Variants in MAN2A1 observed in about 807,000 individuals in gnomAD.
The protein encoded by MAN2A1 is alpha-mannosidase 2.
In MAN2A1, 76 loss-of-function variants were observed where a neutral mutation model predicts 142.6. That is an observed-to-expected ratio of 0.53 (90% confidence interval 0.44 to 0.65). The LOEUF is 0.65. Ranked by LOEUF, MAN2A1 falls within the 30% of genes least tolerant of loss-of-function variation. The pLI is 0.00. For synonymous variants in MAN2A1, 559 were observed against 473.2 expected, an observed-to-expected ratio of 1.18 and a Z score of -2.35; for missense variants, 1,311 against 1,365.1, an observed-to-expected ratio of 0.96 and a Z score of 0.62.
chr5:109,760,318 C>T (rs1752808375), intron 5 of MAN2A1, among the ~76,000 whole-genome samples: 2 of 152,138 alleles, frequency 1.3e-5, no homozygotes. Flanking sequence ...ATGAACTCAT[C>T]CTTTTTATGG....
chr5:109,805,433 A>T (rs1307495246), intron 12 of MAN2A1, among the ~76,000 whole-genome samples: 1 of 152,180 alleles, frequency 6.6e-6, no homozygotes, highest in Non-Finnish European at 1.5e-5. Flanking sequence ...TGAAATTTGT[A>T]GTTCTACTTT....
chr5:109,827,053 G>GTGA (rs1754777920), intron 16 of MAN2A1, among the ~76,000 whole-genome samples: 1 of 152,084 alleles, frequency 6.6e-6, no homozygotes, highest in African/African-American at 2.4e-5. Context: ...TGCTACTTTT[G>GTGA]TCCCCCTTAA....
At position 109,804,351 on chromosome 5, in the gene MAN2A1, A is replaced by T. The variant is rs539522794; in HGVS notation, c.1944-12922A>T. On this transcript the variant is annotated intron_variant, in intron 12 of 21. Coordinates refer to ENST00000261483, the MANE Select transcript of MAN2A1 (RefSeq NM_002372.4). ...TTATTCAGAGAGTAGCGCTTTTTTT[A>T]AAATTTTTATTTTTTTTAGGCAAGA... The T allele has an allele frequency of 7.0e-5, 63 of 903,598 alleles. No individual in the cohort carries two copies. The South Asian group carries it at 1.9e-3, about 28-fold the overall frequency. 56.0% of individuals were successfully genotyped at this position (903,598 alleles called of 1,614,324 possible).
intron 16 of MAN2A1, among the ~76,000 whole-genome samples, chr5:109,837,672 C>T (rs1755092835): frequency 6.6e-6 from 1 of 152,122 alleles, no homozygotes; most frequent in Admixed American, 6.6e-5. Context: ...ACATAGCTGC[C>T]ACCCTTCACT....
chr5:109,761,524 A>T (rs976442258), intron 5 of MAN2A1, among the ~76,000 whole-genome samples: 4 of 152,106 alleles, frequency 2.6e-5, no homozygotes, highest in African/African-American at 9.6e-5. Context: ...TCAGTTAAAA[A>T]GTCATTGACT....
chr5:109,739,179 T>A (rs1425825981), intron 4 of MAN2A1, among the ~76,000 whole-genome samples: 1 of 152,114 alleles, frequency 6.6e-6, no homozygotes, highest in Non-Finnish European at 1.5e-5. Flanking sequence ...TTTTTTTTTC[T>A]CTTCTCTCTT....
At chr5:109,748,720 C>T (rs1303236158) in intron 4 of MAN2A1, among the ~76,000 whole-genome samples, 1 of 151,870 alleles carries the variant, frequency 6.6e-6, no homozygotes, top group African/African-American at 2.4e-5. Context: ...GGCAGATAGA[C>T]AGCATGGACA....
In MAN2A1 at chr5:109,770,509, A is replaced by G; in HGVS notation, c.1164A>G (p.Pro388=). 1 of 1,613,944 alleles carries G rather than the reference A, an allele frequency of 6.2e-7. No homozygotes were observed. The change falls in exon 7 of 22, where the codon CCA becomes CCG. Residue 388 remains proline, a synonymous_variant. Transcript: ENST00000261483. The part of the protein sequence containing the change: ...GRFGCPWGVP[P]ETIHPGNVQS... ...TTGGTTGTCCCTGGGGAGTCCCCCC[A>G]GAAACAATACATCCTGGAAATGTCC...
intron 4 of MAN2A1, among the ~76,000 whole-genome samples, chr5:109,735,591 A>G (rs969456802): frequency 6.6e-6 from 1 of 152,160 alleles, no homozygotes; most frequent in Non-Finnish European, 1.5e-5. Flanking sequence ...CCGGTACCTC[A>G]GATGGAAATG....
At chr5:109,759,967 A>T (rs1309759528) in intron 5 of MAN2A1, among the ~76,000 whole-genome samples, 1 of 27,624 alleles carries the variant, frequency 3.6e-5, no homozygotes, top group African/African-American at 3.8e-4. Context: ...ATATATATAG[A>T]TAGATAGATA....
At chr5:109,834,065 A>G (rs753516874) in intron 16 of MAN2A1, among the ~76,000 whole-genome samples, 2 of 152,158 alleles carry the variant, frequency 1.3e-5, no homozygotes, top group Non-Finnish European at 2.9e-5. Context: ...GAAAAGAAAC[A>G]TCTGTCATGG....
In MAN2A1 at chr5:109,868,343, T is replaced by A. The variant is rs1755932893; in HGVS notation, c.*1345T>A. 2 of 152,342 alleles carry A rather than the reference T, an allele frequency of 1.3e-5. No homozygotes were observed. The highest frequency in any genetic ancestry group is 1.3e-4 in the Admixed American group (2 of 15,308). The allele number at this position is 152,342 out of a possible 1,614,324, so 9.4% of individuals were successfully genotyped here. A position where few individuals can be genotyped will look rare whatever the true frequency, so the allele number is the denominator to read the frequency against. On this transcript the variant is annotated 3_prime_UTR_variant, in exon 22 of 22. Coordinates refer to ENST00000261483, the MANE Select transcript of MAN2A1 (RefSeq NM_002372.4). ...AGCCCGTGTGCCATTACAGTGCTTT[T>A]AATAAAATTTATTTGGGATTATTGT... is the stretch of plus-strand genomic sequence containing the variant.
chr5:109,789,780 A>T (rs936604739), intron 12 of MAN2A1, among the ~76,000 whole-genome samples: 1 of 151,876 alleles, frequency 6.6e-6, no homozygotes, highest in African/African-American at 2.4e-5. Flanking sequence ...CATGATAAAT[A>T]TATAGCTTAT....
At chr5:109,737,948 G>T (rs2112600012) in intron 4 of MAN2A1, among the ~76,000 whole-genome samples, 1 of 152,158 alleles carries the variant, frequency 6.6e-6, no homozygotes, top group East Asian at 1.9e-4. Context: ...GATGACTGTG[G>T]CTCATAACCC....
chr5:109,759,925 A>G (rs1582868556), intron 5 of MAN2A1, among the ~76,000 whole-genome samples: 1 of 144,630 alleles, frequency 6.9e-6, no homozygotes. Context: ...TCTTTTACCC[A>G]TTCTTTTTAT....
At chr5:109,819,197 G>C (rs1403250358) in intron 13 of MAN2A1, among the ~76,000 whole-genome samples, 1 of 152,056 alleles carries the variant, frequency 6.6e-6, no homozygotes, top group Non-Finnish European at 1.5e-5. Flanking sequence ...CCCAACTGTG[G>C]GCTAATTTAA....
At chr5:109,836,539 G>A (rs758595628) in intron 16 of MAN2A1, among the ~76,000 whole-genome samples, 19 of 152,220 alleles carry the variant, frequency 1.2e-4, no homozygotes, top group Non-Finnish European at 2.2e-4. Flanking sequence ...GATCCACCCA[G>A]TGGGGGAAGG....
At chr5:109,762,674 C>T (rs1752883996) in intron 5 of MAN2A1, among the ~76,000 whole-genome samples, 1 of 152,108 alleles carries the variant, frequency 6.6e-6, no homozygotes, top group African/African-American at 2.4e-5. Flanking sequence ...CAGTGCTGGC[C>T]TTCGATGTGC....
At chr5:109,804,045 T>C (rs995865208) in intron 12 of MAN2A1, 9 of 351,242 alleles carry the variant, frequency 2.6e-5, no homozygotes, top group African/African-American at 1.6e-4. Flanking sequence ...AATAGTAACA[T>C]AAAGCTAATT....
Sources: gnomAD v4.1 joint callset for allele counts (sites outside exome capture counted in the v4.1 genomes callset) on GRCh38, gnomAD v4.1.1 for gene constraint, MANE v1.5 for transcripts, NCBI Gene and HGNC (gene_info 2026-07-23, HGNC 2026-07-21) for gene names.